Variants in STX8 observed in about 807,000 individuals in gnomAD.
STX8 encodes the protein syntaxin 8.
A neutral mutation model predicts 37.5 loss-of-function variants in STX8; 23 were observed. The observed-to-expected ratio is 0.61, with a 90% CI of 0.44 to 0.87. The LOEUF (loss-of-function observed/expected upper bound fraction) is 0.87. Among genes scored for constraint, STX8 ranks in the 40% least tolerant of loss-of-function variants. The probability of loss-of-function intolerance (pLI) is 0.00; values close to 1 mark genes in which losing one functional copy is unlikely to be tolerated. For missense variants in STX8, 313 were observed against 284.7 expected, an observed-to-expected ratio of 1.10 and a Z score of -0.71; for synonymous variants, 115 against 99.1, an observed-to-expected ratio of 1.16 and a Z score of -0.95.
intron 7 of STX8, among the ~76,000 whole-genome samples, chr17:9,324,961 C>G (rs891777865): frequency 6.6e-6 from 1 of 152,058 alleles, no homozygotes; most frequent in South Asian, 2.1e-4. Flanking sequence ...TTGTTATTTT[C>G]CTGGGCTAGT....
intron 7 of STX8, among the ~76,000 whole-genome samples, chr17:9,265,888 C>T (rs115052961): frequency 0.036 from 5,416 of 152,186 alleles, 242 homozygotes; most frequent in African/African-American, 0.11. Flanking sequence ...GACTAGAAGG[C>T]GGTAAGTGCT....
At chr17:9,286,943 C>T (rs1265163260) in intron 7 of STX8, among the ~76,000 whole-genome samples, 1 of 152,112 alleles carries the variant, frequency 6.6e-6, no homozygotes, top group Non-Finnish European at 1.5e-5. Context: ...TGCCTCTTGT[C>T]TGTGATATGG....
chr17:9,343,745 C>T (rs1910447028), intron 7 of STX8, among the ~76,000 whole-genome samples: 1 of 151,624 alleles, frequency 6.6e-6, no homozygotes, highest in South Asian at 2.1e-4. Context: ...GCCAACCCCA[C>T]CCCCTCCTCC....
At chr17:9,400,529 C>T (rs935139253) in intron 6 of STX8, among the ~76,000 whole-genome samples, 7 of 151,968 alleles carry the variant, frequency 4.6e-5, no homozygotes, top group African/African-American at 1.4e-4. Flanking sequence ...CTCAGCCTCC[C>T]GAGTAGCTGG....
At chr17:9,262,397 A>C (rs1907070029) in intron 7 of STX8, among the ~76,000 whole-genome samples, 1 of 151,990 alleles carries the variant, frequency 6.6e-6, no homozygotes, top group South Asian at 2.1e-4. Flanking sequence ...TAATGGTAAC[A>C]CTCGAGGGGT....
At chr17:9,346,756 G>C (rs1237534076) in intron 7 of STX8, among the ~76,000 whole-genome samples, 1 of 152,226 alleles carries the variant, frequency 6.6e-6, no homozygotes, top group Non-Finnish European at 1.5e-5. Context: ...TGGCTACACT[G>C]AATCTGGTCT....
At chr17:9,409,739 C>T (rs990853707) in intron 6 of STX8, among the ~76,000 whole-genome samples, 1 of 152,122 alleles carries the variant, frequency 6.6e-6, no homozygotes, top group Non-Finnish European at 1.5e-5. Context: ...TTTGAATATC[C>T]TTTTCCAATT....
intron 4 of STX8, among the ~76,000 whole-genome samples, chr17:9,536,598 C>A (rs1906068663): frequency 6.6e-6 from 1 of 152,164 alleles, no homozygotes; most frequent in Non-Finnish European, 1.5e-5. Context: ...GTCCTCCTCC[C>A]TGAATGCTGA....
In STX8 at chr17:9,287,891, C is replaced by T. The variant is rs192022958; in HGVS notation, c.644-37246G>A. ...TCAGCCTCCCAAGTAGCTGGGATTA[C>T]AGGTGAGCACCACCACGCCCAGCTA... On this transcript the variant is annotated intron_variant, in intron 7 of 7. Transcript: ENST00000306357. Among the ~76,000 whole-genome samples the T allele has an allele frequency of 1.3e-4, 20 of 151,980 alleles. No individual in the cohort carries two copies. The East Asian group carries it at 3.7e-3, about 28-fold the overall frequency.
chr17:9,502,887 G>A (rs956302221), intron 5 of STX8, among the ~76,000 whole-genome samples: 6 of 152,042 alleles, frequency 3.9e-5, no homozygotes, highest in African/African-American at 1.4e-4. Context: ...TGGATCGCTT[G>A]AGGTCAGGAG....
At chr17:9,410,740 A>G (rs1912950635) in intron 6 of STX8, among the ~76,000 whole-genome samples, 1 of 152,238 alleles carries the variant, frequency 6.6e-6, no homozygotes. Context: ...ATGTAAGCAT[A>G]TTATCCATAA....
In STX8 at chr17:9,568,463, T is replaced by C. The variant is rs758673778; in HGVS notation, c.25A>G (p.Thr9Ala). 1.2e-6 allele frequency: 2 copies of C among 1,611,718 alleles called. No homozygotes were observed. The highest frequency in any genetic ancestry group is 4.5e-5 in the East Asian group (2 of 44,878). The change falls in exon 2 of 8, where the codon ACA becomes GCA. Residue 9 changes from threonine to alanine, a missense_variant. Thr to Ala is a moderately conservative substitution (Grantham distance 58). Coordinates refer to ENST00000306357, the MANE Select transcript of STX8 (RefSeq NM_004853.3). Reference protein sequence around the residue: MAPDPWFSTYDSTCQIAQE... With the variant: MAPDPWFSAYDSTCQIAQE... ...GCAATTTGACAAGTAGAATCGTATG[T>C]GGAGAACCTGCACCAAAGTCGTAAA...
chr17:9,327,510 G>A (rs559334515), intron 7 of STX8, among the ~76,000 whole-genome samples: 2 of 152,246 alleles, frequency 1.3e-5, no homozygotes, highest in East Asian at 1.9e-4. Flanking sequence ...ACAACAAGGG[G>A]TATGATCTAA....
chr17:9,551,864 G>A (rs749024052), intron 3 of STX8, among the ~76,000 whole-genome samples: 6 of 151,684 alleles, frequency 4.0e-5, no homozygotes, highest in East Asian at 3.9e-4. Context: ...TTCAGGTTTC[G>A]TGGACCAGTA....
chr17:9,494,391 G>A (rs994386814), intron 5 of STX8, among the ~76,000 whole-genome samples: 14 of 151,378 alleles, frequency 9.2e-5, no homozygotes, highest in South Asian at 2.1e-4. Flanking sequence ...CACTTTAGGG[G>A]GCTGAAGCGG....
At chr17:9,536,313 C>T (rs1290666244) in intron 4 of STX8, among the ~76,000 whole-genome samples, 2 of 152,120 alleles carry the variant, frequency 1.3e-5, no homozygotes, top group Admixed American at 6.6e-5. Flanking sequence ...CATCGAGTAT[C>T]GGGAGATGAA....
chr17:9,382,450 T>C (rs2142290122), intron 6 of STX8, among the ~76,000 whole-genome samples: 1 of 152,372 alleles, frequency 6.6e-6, no homozygotes, highest in South Asian at 2.1e-4. Context: ...TTTTAAATTA[T>C]ACTTTAAGTT....
intron 6 of STX8, among the ~76,000 whole-genome samples, chr17:9,380,064 GCATA>G (rs1353895394): frequency 4.6e-5 from 7 of 151,832 alleles, no homozygotes; most frequent in African/African-American, 1.7e-4. Context: ...ATTTAAAATA[GCATA>G]TATAGTATAG....
At chr17:9,423,365 A>G (rs9907157) in intron 6 of STX8, among the ~76,000 whole-genome samples, 70,459 of 152,064 alleles carry the variant, frequency 0.46, 17,189 homozygotes, top group African/African-American at 0.6. Context: ...TCTCTCTGTC[A>G]CCCAGGCTGG....
Sources: allele counts gnomAD v4.1 joint callset (sites outside exome capture counted in the v4.1 genomes callset), GRCh38; gene constraint gnomAD v4.1.1; transcripts MANE v1.5; gene names NCBI Gene and HGNC (gene_info 2026-07-23, HGNC 2026-07-21).